The following ADGRD1 variants were observed in gnomAD, a reference collection of about 807,000 sequenced individuals.
The protein encoded by ADGRD1 is G-protein coupled receptor 133.
ADGRD1 carries 77 observed loss-of-function variants against 113.4 expected under a neutral mutation model. The observed-to-expected ratio is 0.68, with a 90% CI of 0.57 to 0.82. The LOEUF is 0.82. ADGRD1 is among the 40% of genes least tolerant of loss of function. The pLI is 0.00. For synonymous variants in ADGRD1, 474 were observed against 475.0 expected (o/e 1.00, Z 0.03); for missense variants, 1,036 against 1,139.1 (o/e 0.91, Z 1.30).
intron 8 of ADGRD1, among the ~76,000 whole-genome samples, chr12:130,997,483 C>T (rs1214270168): frequency 2.7e-5 from 4 of 149,152 alleles, no homozygotes; most frequent in Admixed American, 6.6e-5. Flanking sequence ...CCTCACTTCT[C>T]AGACGGGGCG....
intron 14 of ADGRD1, among the ~76,000 whole-genome samples, chr12:131,079,408 G>A (rs758566234): frequency 2.6e-5 from 4 of 152,164 alleles, no homozygotes; most frequent in Admixed American, 6.5e-5. Flanking sequence ...GGCTACAGTT[G>A]TTGAGAATTT....
chr12:131,080,916 G>A (rs1398785185), intron 14 of ADGRD1, among the ~76,000 whole-genome samples: 3 of 152,168 alleles, frequency 2.0e-5, no homozygotes, highest in Admixed American at 6.5e-5. Context: ...CACTGCACCC[G>A]GCCTAGTTTT....
At chr12:130,979,036 C>T (rs1872657564) in intron 4 of ADGRD1, among the ~76,000 whole-genome samples, 1 of 152,150 alleles carries the variant, frequency 6.6e-6, no homozygotes, top group Non-Finnish European at 1.5e-5. Context: ...GCGCCCAAGG[C>T]AGGTGTTGCA....
In ADGRD1 at chr12:130,966,780, G is replaced by T. The variant is rs2136507473; in HGVS notation, c.187+234G>T. 4 of 474,286 alleles carry T rather than the reference G, an allele frequency of 8.4e-6. No individual in the cohort carries two copies. The highest frequency in any genetic ancestry group is 7.4e-5 in the East Asian group (2 of 26,908). The allele number at this position is 474,286 out of a possible 1,614,324, so 29.4% of individuals were successfully genotyped here. A position where few individuals can be genotyped will look rare whatever the true frequency, so the allele number is the denominator to read the frequency against. On this transcript the variant is annotated intron_variant, in intron 3 of 24. Transcript: ENST00000261654. This position sits in a 1 kb window ranked among gnomAD's most constrained non-coding sequence, Gnocchi z 4.6. ...AATACTTGTGTAACTTCCCGTAATA[G>T]TTATTTCAAAGCTTTTTTTTTTGTA...
In ADGRD1 at chr12:130,981,968, A is replaced by G. The variant is rs773576678; in HGVS notation, c.395A>G (p.Asn132Ser). 6.2e-6 allele frequency: 10 copies of G among 1,613,752 alleles called. No homozygotes were observed. The highest frequency in any genetic ancestry group is 7.6e-6 in the Non-Finnish European group (9 of 1,179,686). ...GCGTATGGGGGACAGGTCATCTCCA[A>G]TGGGTTCAAAGTCTGCTCCAGCGGT... ...PSAYGGQVIS[N>S]GFKVCSSGGR... The change falls in exon 5 of 25, where the codon AAT becomes AGT. Residue 132 changes from asparagine (N) to serine (S), a missense_variant. Transcript: ENST00000261654.
chr12:131,037,793 GTCTCACTCACTGCACCAGGA>G (rs201609497), intron 13 of ADGRD1, among the ~76,000 whole-genome samples: 34,902 of 90,122 alleles, frequency 0.39, 7,612 homozygotes, highest in South Asian at 0.54. Flanking sequence ...ACTGCACCGG[GTCTCACTCACTGCACCAGGA>G]TCTTACTCAC....
At chr12:130,974,983 G>A (rs1301641503) in intron 4 of ADGRD1, among the ~76,000 whole-genome samples, 1 of 152,112 alleles carries the variant, frequency 6.6e-6, no homozygotes, top group Non-Finnish European at 1.5e-5. Flanking sequence ...AAGCTTTGGA[G>A]GACATTGGAG....
rs537538371 is a variant in ADGRD1 at position 131,105,812 on chromosome 12, G to A, written c.1834G>A (p.Val612Met). 98 of 1,601,050 alleles carry A rather than the reference G, an allele frequency of 6.1e-5. 1 individual carries two copies. The South Asian group carries it at 7.9e-4, about 13-fold the overall frequency. Residue 612 changes from valine to methionine, a missense_variant, in exon 17 of 25, where the codon GTG becomes ATG. Coordinates refer to ENST00000261654, the MANE Select transcript of ADGRD1 (RefSeq NM_198827.5). Reference protein sequence around the residue: ...YHIHANLSFAVLVAQVLLLIS... With the variant: ...YHIHANLSFAMLVAQVLLLIS... ...CATCCACGCCAACCTGTCCTTCGCC[G>A]TGCTGGTGGCCCAGGTCCTGCTGCT...
intron 23 of ADGRD1, 26 bp downstream of exon 23, chr12:131,137,040 G>T: frequency 1.3e-6 from 2 of 1,588,624 alleles, no homozygotes; most frequent in East Asian, 2.2e-5. Flanking sequence ...TTGCTGGCAG[G>T]TGCAGGTGCA....
intron 8 of ADGRD1, chr12:130,994,203 G>T: frequency 2.3e-6 from 1 of 432,534 alleles, no homozygotes; most frequent in Non-Finnish European, 4.7e-6. Context: ...TAGACAAGCT[G>T]GAAGGTCCTT....
chr12:130,981,737 T>G, intron 4 of ADGRD1, 147 bp from the exon 5 acceptor site: 1 of 588,626 alleles, frequency 1.7e-6, no homozygotes, highest in Non-Finnish European at 3.0e-6. Context: ...TATCACTGTC[T>G]GGATTTTCTG....
intron 11 of ADGRD1, among the ~76,000 whole-genome samples, chr12:131,005,216 G>A (rs1343099448): frequency 6.6e-6 from 1 of 152,150 alleles, no homozygotes; most frequent in African/African-American, 2.4e-5. Context: ...CTAGGGCAGA[G>A]GCAGGGATGT....
At position 130,992,294 on chromosome 12, in the gene ADGRD1, T is replaced by A. The variant is rs938110642; in HGVS notation, c.868T>A (p.Phe290Ile). ...CAACCTGACAGAAGAGAGAAAAACC[T>A]TCCAAAGTCCCGGAGTGATACTGAG... is the stretch of plus-strand genomic sequence containing the variant. The part of the protein sequence containing the change: ...ITNLTEERKT[F>I]QSPGVILSYL... The change falls in exon 8 of 25, where the codon TTC (phenylalanine) becomes ATC (isoleucine). Residue 290 changes from phenylalanine (F) to isoleucine (I), a missense_variant. Coordinates refer to ENST00000261654, the MANE Select transcript of ADGRD1 (RefSeq NM_198827.5). The A allele has an allele frequency of 1.2e-6, 2 of 1,613,444 alleles. No homozygotes were observed. The highest frequency in any genetic ancestry group is 2.2e-5 in the South Asian group (2 of 91,054).
intron 11 of ADGRD1, 110 bp downstream of exon 11, chr12:131,004,406 C>A: frequency 1.2e-6 from 1 of 830,952 alleles, no homozygotes; most frequent in South Asian, 1.5e-5. Context: ...CGGTGCTCCC[C>A]CGGGCCGCCT....
intron 15 of ADGRD1, among the ~76,000 whole-genome samples, chr12:131,085,844 C>T (rs533232022): frequency 2.0e-5 from 3 of 152,154 alleles, no homozygotes; most frequent in Admixed American, 2.0e-4. Context: ...AGTGACGCCT[C>T]CAGCGTCTCC....
chr12:131,049,603 C>T (rs1883178778), intron 13 of ADGRD1, among the ~76,000 whole-genome samples: 1 of 152,212 alleles, frequency 6.6e-6, no homozygotes, highest in South Asian at 2.1e-4. Flanking sequence ...TGACTTGTCT[C>T]CTGGCGAGCA....
At position 130,983,702 on chromosome 12, in the gene ADGRD1, C is replaced by T. The variant is rs202190318; in HGVS notation, c.490+1639C>T. On this transcript the variant is annotated intron_variant, in intron 5 of 24. Coordinates refer to ENST00000261654, the MANE Select transcript of ADGRD1 (RefSeq NM_198827.5). Reference sequence around the variant, plus strand: ...TAATACTTTGGACCAACCTAGGGTCCAAGCGTGCTCCAGAGACTCAAAATT... The same window carrying T: ...TAATACTTTGGACCAACCTAGGGTCTAAGCGTGCTCCAGAGACTCAAAATT... Among the ~76,000 whole-genome samples, 41 of 152,308 alleles carry T rather than the reference C, an allele frequency of 2.7e-4. No individual in the cohort carries two copies. The East Asian group carries it at 7.5e-3, about 28-fold the overall frequency.
At chr12:130,987,527 GA>G in intron 6 of ADGRD1, 178 bp downstream of exon 6, 1 of 642,710 alleles carries the variant, frequency 1.6e-6, no homozygotes, top group East Asian at 2.7e-5. Flanking sequence ...TGAGATAGAG[GA>G]GTTAATAATT....
Position 130,984,964 on chromosome 12 carries a change from A to G in ADGRD1, c.491-2131A>G, listed in dbSNP as rs1336265728. ...CTCTTTCTTTCTTTTTCTTTCTGAC[A>G]GGATCTGTCATCCAGGCTGGAGTAC... On this transcript the variant is annotated intron_variant, in intron 5 of 24. Coordinates refer to ENST00000261654, the MANE Select transcript of ADGRD1 (RefSeq NM_198827.5). The surrounding 1 kb of genome is among the most constrained non-coding windows in gnomAD (Gnocchi z 4.1). 3.3e-5 allele frequency among the ~76,000 whole-genome samples: 5 copies of G among 149,610 alleles called. No homozygotes were observed. The highest frequency in any genetic ancestry group is 2.1e-4 in the South Asian group (1 of 4,750).
Sources: allele counts gnomAD v4.1 joint callset (sites outside exome capture counted in the v4.1 genomes callset), GRCh38; gene constraint gnomAD v4.1.1; non-coding constraint Gnocchi (gnomAD v3.1); transcripts MANE v1.5; gene names NCBI Gene and HGNC (gene_info 2026-07-23, HGNC 2026-07-21).